PML: variants seen among roughly 807,000 people sequenced by gnomAD.
PML encodes the protein PML nuclear body scaffold, also known as protein PML.
Under a neutral mutation model 65.2 loss-of-function variants are expected in PML, and 28 were observed. The ratio of observed to expected loss-of-function variants is 0.43; its 90% CI spans 0.32 to 0.59. PML has a LOEUF of 0.59. Ranked by LOEUF, PML falls within the 20% of genes least tolerant of loss-of-function variation. PML has a pLI of 0.08. For missense variants in PML, 1,021 were observed against 1,203.4 expected (o/e 0.85, Z 2.24); for synonymous variants, 500 against 508.8 (o/e 0.98, Z 0.23).
intron 2 of PML, among the ~76,000 whole-genome samples, chr15:74,002,000 A>AC (rs1467815127): frequency 6.7e-6 from 1 of 150,218 alleles, no homozygotes; most frequent in Non-Finnish European, 1.5e-5. Flanking sequence ...CCGGACCCTG[A>AC]CTCGAAAAAA....
chr15:74,036,956 C>G (rs527886605), intron 7 of PML: 1 of 985,428 alleles, frequency 1.0e-6, no homozygotes, highest in Non-Finnish European at 1.2e-6. Flanking sequence ...CCTCCAGCCC[C>G]GCGCACTCCC....
At chr15:74,016,263 G>A (rs1033778284) in intron 2 of PML, among the ~76,000 whole-genome samples, 1 of 151,880 alleles carries the variant, frequency 6.6e-6, no homozygotes, top group African/African-American at 2.4e-5. Flanking sequence ...GTAACAGAGC[G>A]AGACTCCATC....
intron 2 of PML, among the ~76,000 whole-genome samples, chr15:74,010,185 ATT>A (rs536738558): frequency 6.4e-5 from 5 of 77,930 alleles, no homozygotes; most frequent in Admixed American, 3.7e-4. Flanking sequence ...TGCCCAGCTA[ATT>A]TTTTTTTTTT....
At chr15:74,022,540 G>A (rs1407123364) in intron 2 of PML, among the ~76,000 whole-genome samples, 4 of 152,208 alleles carry the variant, frequency 2.6e-5, no homozygotes, top group Non-Finnish European at 5.9e-5. Context: ...TTCCTCGGTG[G>A]GGAAGGGAAA....
intron 2 of PML, among the ~76,000 whole-genome samples, chr15:74,011,795 G>A (rs539156850): frequency 5.9e-5 from 9 of 152,320 alleles, no homozygotes; most frequent in African/African-American, 2.2e-4. Flanking sequence ...CAAGGCGAGA[G>A]GCCAGAGAGT....
Position 74,044,140 on chromosome 15 carries a change from G to A in PML, c.1862-81G>A, listed in dbSNP as rs2071743376. 2.9e-6 allele frequency: 4 copies of A among 1,393,086 alleles called. 1 individual carries two copies. The Admixed American group carries it at 5.0e-5, about 18-fold the overall frequency. The allele number at this position is 1,393,086 out of a possible 1,614,324, so 86.3% of individuals were successfully genotyped here. ...GGTGAGGTCTCTAGATGGTGAGTCA[G>A]CAGCCCTAGAGGACCCCCTGCTCCC... On this transcript the variant is annotated intron_variant, in intron 8 of 8. Transcript: ENST00000268058.
At chr15:74,009,908 C>G (rs1042807374) in intron 2 of PML, among the ~76,000 whole-genome samples, 1 of 152,180 alleles carries the variant, frequency 6.6e-6, no homozygotes, top group African/African-American at 2.4e-5. Flanking sequence ...GCTGGTGCTC[C>G]GGTCTCACTT....
chr15:73,999,511 G>C (rs1007294054), intron 2 of PML, among the ~76,000 whole-genome samples: 1 of 152,112 alleles, frequency 6.6e-6, no homozygotes, highest in Admixed American at 6.5e-5. Flanking sequence ...TCAACAGCTG[G>C]TATCACCACG....
At chr15:74,000,739 T>G (rs1309615397) in intron 2 of PML, among the ~76,000 whole-genome samples, 4 of 152,212 alleles carry the variant, frequency 2.6e-5, no homozygotes, top group African/African-American at 9.7e-5. Flanking sequence ...TTAATTGATT[T>G]TTTTTCGCCT....
Position 74,037,343 on chromosome 15 carries a change from G to C in PML, c.1710+2813G>C, listed in dbSNP as rs1392115788. 1.0e-6 allele frequency: 1 copy of C among 985,190 alleles called. No homozygotes were observed. The highest frequency in any genetic ancestry group is 1.1e-4 in the East Asian group (1 of 8,814). 61.0% of individuals were successfully genotyped at this position (985,190 alleles called of 1,614,324 possible). A position where few individuals can be genotyped will look rare whatever the true frequency, so the allele number is the denominator to read the frequency against. ...TTCCCTGCCCTCGTTAGGGTGGAAGGGATGTCCACCTGCCTCCAGGACTCA... is the reference window on the plus strand; with the variant it reads ...TTCCCTGCCCTCGTTAGGGTGGAAGCGATGTCCACCTGCCTCCAGGACTCA... On this transcript the variant is annotated intron_variant, in intron 7 of 8. Transcript: ENST00000268058. The surrounding 1 kb of genome is among the most constrained non-coding windows in gnomAD (Gnocchi z 4.2).
intron 2 of PML, among the ~76,000 whole-genome samples, chr15:74,000,024 A>G (rs1452385347): frequency 6.6e-6 from 1 of 151,836 alleles, no homozygotes; most frequent in Non-Finnish European, 1.5e-5. Flanking sequence ...TTTAGTAGAG[A>G]CAGGGTTTCA....
Position 74,032,763 on chromosome 15 carries a change from C to T in PML, c.1398+48C>T, listed in dbSNP as rs756594093. 9 of 1,601,534 alleles carry T rather than the reference C, an allele frequency of 5.6e-6. No homozygotes were observed. In the South Asian group the frequency reaches 9.9e-5, roughly 18 times the overall value. On this transcript the variant is annotated intron_variant, in intron 5 of 8. Coordinates refer to ENST00000268058, the MANE Select transcript of PML (RefSeq NM_033238.3). Reference sequence around the variant, plus strand: ...CCTTCCCTCCTGAAGGCCTGAGTTCCACCAGGAAAGTGAGCTGGCACTGGG... The same window carrying T: ...CCTTCCCTCCTGAAGGCCTGAGTTCTACCAGGAAAGTGAGCTGGCACTGGG...
At position 74,043,593 on chromosome 15, in the gene PML, TG is replaced by T; in HGVS notation, c.1861+456del. On this transcript the variant is annotated intron_variant, in intron 8 of 8. Coordinates refer to ENST00000268058, the MANE Select transcript of PML (RefSeq NM_033238.3). The surrounding 1 kb of genome is among the most constrained non-coding windows in gnomAD (Gnocchi z 4.3). ...CACAGAGGGATCAGACCCCTTATCC[TG>T]GAAGCCCCTCTACTTCCTCCAGTGC... 1 of 432,726 alleles carries T rather than the reference TG, an allele frequency of 2.3e-6. No homozygotes were observed. Among genetic ancestry groups the T allele is most frequent in the South Asian group, 1.9e-5 (1 of 52,044 alleles). 26.8% of individuals were successfully genotyped at this position (432,726 alleles called of 1,614,324 possible).
intron 6 of PML, 151 bp from the exon 7 acceptor site, chr15:74,034,327 T>C (rs906922097): frequency 6.5e-5 from 59 of 911,388 alleles, no homozygotes; most frequent in South Asian, 2.5e-4. Flanking sequence ...CAGAGTCACA[T>C]TGGCACACAC....
In PML at chr15:74,043,264, G is replaced by T; in HGVS notation, c.1861+125G>T. The stretch of plus-strand genomic sequence containing the variant: ...GAGCTCTGGCCAACAACTGCAGCCA[G>T]GCTGGGCAGAGCACTCCGGCTCACC... On this transcript the variant is annotated intron_variant, in intron 8 of 8. Transcript: ENST00000268058. The surrounding 1 kb of genome is among the most constrained non-coding windows in gnomAD (Gnocchi z 4.3). 6.3e-7 allele frequency: 1 copy of T among 1,585,902 alleles called. No individual in the cohort carries two copies. The highest frequency in any genetic ancestry group is 8.6e-7 in the Non-Finnish European group (1 of 1,167,402).
rs1286752210 is a variant in PML, at chr15:74,044,318, G to A, written c.1959G>A (p.Val653=). The change falls in exon 9 of 9, where the codon GTG becomes GTA. Residue 653 remains valine, a synonymous_variant. Coordinates refer to ENST00000268058, the MANE Select transcript of PML (RefSeq NM_033238.3). ...TCTTCAGCATCTACTCCAAGGCCGT[G>A]TCCCTGGAGGTGGGGCTGCAGCACT... ...EAFFSIYSKA[V]SLEVGLQHFL... 3.1e-6 allele frequency: 5 copies of A among 1,614,058 alleles called. No homozygotes were observed. In the African/African-American group the frequency reaches 6.7e-5, roughly 22 times the overall value.
Position 74,023,105 on chromosome 15 carries a change from G to C in PML, c.880G>C (p.Glu294Gln). The C allele has an allele frequency of 6.2e-7, 1 of 1,603,484 alleles. No individual in the cohort carries two copies. The highest frequency in any genetic ancestry group is 1.1e-5 in the South Asian group (1 of 91,010). Reference protein sequence around the residue: ...RQVVAHVRAQERELLEAVDAR... With the variant: ...RQVVAHVRAQQRELLEAVDAR... ...GGTGGTAGCTCACGTGCGGGCTCAG[G>C]AGCGCGAGCTGCTGGAGGCTGTGGA... Residue 294 changes from glutamate (E) to glutamine (Q), a missense_variant, in exon 3 of 9, where the codon GAG becomes CAG. Glu to Gln is a conservative substitution (Grantham distance 29). Coordinates refer to ENST00000268058, the MANE Select transcript of PML (RefSeq NM_033238.3).
intron 4 of PML, chr15:74,026,191 G>A (rs11072469): frequency 0.49 from 74,993 of 153,076 alleles, 19,101 homozygotes; most frequent in Non-Finnish European, 0.56. Context: ...TTGTTTTTTA[G>A]ATGAAGGCTC....
At chr15:74,022,014 A>G (rs1480099399) in intron 2 of PML, among the ~76,000 whole-genome samples, 1 of 152,114 alleles carries the variant, frequency 6.6e-6, no homozygotes, top group Non-Finnish European at 1.5e-5. Context: ...CTGGAGTGCA[A>G]TGGCACCATC....
Sources: gnomAD v4.1 joint callset for allele counts (sites outside exome capture counted in the v4.1 genomes callset) on GRCh38, gnomAD v4.1.1 for gene constraint, Gnocchi (gnomAD v3.1) non-coding constraint, MANE v1.5 for transcripts, NCBI Gene and HGNC (gene_info 2026-07-23, HGNC 2026-07-21) for gene names.